Variants in MACROD1 observed in about 807,000 individuals in gnomAD.
MACROD1 encodes the protein mono-ADP ribosylhydrolase 1, also known as ADP-ribose glycohydrolase MACROD1.
Under a neutral mutation model 41.4 loss-of-function variants are expected in MACROD1, and 31 were observed. That is an observed-to-expected ratio of 0.75 (90% CI 0.56 to 1.01). The LOEUF (loss-of-function observed/expected upper bound fraction) is 1.01. Ranked by LOEUF, MACROD1 falls within the 50% of genes least tolerant of loss-of-function variation. The pLI is 0.00. For synonymous variants in MACROD1, 252 were observed against 203.4 expected (o/e 1.24, Z -2.03); for missense variants, 473 against 460.0 (o/e 1.03, Z -0.26).
At chr11:64,032,394 CGAT>C (rs1555010511) in intron 3 of MACROD1, among the ~76,000 whole-genome samples, 1 of 152,128 alleles carries the variant, frequency 6.6e-6, no homozygotes, top group Non-Finnish European at 1.5e-5. Flanking sequence ...TGCCCAGGGC[CGAT>C]GGCTGGTGAG....
intron 4 of MACROD1, among the ~76,000 whole-genome samples, chr11:64,012,492 T>TG (rs1565194257): frequency 6.6e-6 from 1 of 151,668 alleles, no homozygotes; most frequent in Non-Finnish European, 1.5e-5. Flanking sequence ...CCCCTGCCTA[T>TG]GGGGTTCAAG....
chr11:64,018,684 C>T (rs1451479378), intron 3 of MACROD1, among the ~76,000 whole-genome samples: 1 of 152,182 alleles, frequency 6.6e-6, no homozygotes, highest in African/African-American at 2.4e-5. Flanking sequence ...CTCTACTGCA[C>T]CACCCCCCTC....
chr11:64,160,426 G>A (rs1945736410), intron 1 of MACROD1, among the ~76,000 whole-genome samples: 1 of 152,146 alleles, frequency 6.6e-6, no homozygotes, highest in African/African-American at 2.4e-5. Context: ...CTTTGAGAGA[G>A]GATCCTCTCA....
chr11:64,149,066 A>C (rs1460136254), intron 3 of MACROD1: 10 of 976,808 alleles, frequency 1.0e-5, no homozygotes, highest in Non-Finnish European at 1.1e-5. Context: ...AGAACACACC[A>C]AGAGGTGTAT....
chr11:64,082,937 T>G lies in MACROD1; in HGVS notation c.518-67656A>C, dbSNP rs1193152468. The G allele has an allele frequency of 1.3e-5, 2 of 152,562 alleles. No individual in the cohort carries two copies. Among genetic ancestry groups the G allele is most frequent in the Non-Finnish European group, 2.9e-5 (2 of 68,250 alleles). 9.5% of individuals were successfully genotyped at this position (152,562 alleles called of 1,614,324 possible). ...TCCCTGCCCTGACCTCTCTCTGCCT[T>G]CCTTCCTCGTCACAGCAGCTGCCGT... On this transcript the variant is annotated intron_variant, in intron 3 of 10. Transcript: ENST00000255681. This position sits in a 1 kb window ranked among gnomAD's most constrained non-coding sequence, Gnocchi z 4.5.
rs538602895 is a variant in MACROD1, at chr11:64,061,278, G to T, written c.518-45997C>A. ...GTAATTGCTGGCTGTCAGGGCAGATGGATGCTCCGCGCGCCGACTTTGCAG... is the reference window on the plus strand; with the variant it reads ...GTAATTGCTGGCTGTCAGGGCAGATTGATGCTCCGCGCGCCGACTTTGCAG... On this transcript the variant is annotated intron_variant, in intron 3 of 10. Transcript: ENST00000255681. Among the ~76,000 whole-genome samples, 9 of 152,334 alleles carry T rather than the reference G, an allele frequency of 5.9e-5. No homozygotes were observed. In the East Asian group the frequency reaches 1.7e-3, roughly 29 times the overall value.
intron 3 of MACROD1, among the ~76,000 whole-genome samples, chr11:64,133,522 C>CTAAA (rs947347131): frequency 1.3e-5 from 2 of 152,154 alleles, no homozygotes; most frequent in African/African-American, 4.8e-5. Flanking sequence ...TGATCTCCTC[C>CTAAA]TAAAAGGCAG....
chr11:64,008,660 C>T (rs1185598113), intron 4 of MACROD1, among the ~76,000 whole-genome samples: 1 of 152,188 alleles, frequency 6.6e-6, no homozygotes, highest in African/African-American at 2.4e-5. Context: ...GAGACACACA[C>T]ACGGGCTTGC....
In MACROD1 at chr11:64,120,121, C is replaced by G. The variant is rs571273075; in HGVS notation, c.517+31118G>C. ...GCGGGGCAGGGGTTACGTTAAAAGGCCCGACCGCCACCTTCAGTGAGGAGA... is the reference window on the plus strand; with the variant it reads ...GCGGGGCAGGGGTTACGTTAAAAGGGCCGACCGCCACCTTCAGTGAGGAGA... On this transcript the variant is annotated intron_variant, in intron 3 of 10. Coordinates refer to ENST00000255681, the MANE Select transcript of MACROD1 (RefSeq NM_014067.4). This position sits in a 1 kb window ranked among gnomAD's most constrained non-coding sequence, Gnocchi z 4.5. 1.3e-5 allele frequency among the ~76,000 whole-genome samples: 2 copies of G among 152,250 alleles called. No individual in the cohort carries two copies. Among genetic ancestry groups the G allele is most frequent in the African/African-American group, 2.4e-5 (1 of 41,548 alleles).
chr11:64,049,000 A>ACTGGGGTGCCGGCTGCCTCCTGCC (rs61691615), intron 3 of MACROD1, among the ~76,000 whole-genome samples: 20,909 of 151,900 alleles, frequency 0.14, 2,347 homozygotes, highest in East Asian at 0.42. Flanking sequence ...AGAGAGACAG[A>ACTGGGGTGCCGGCTGCCTCCTGCC]CTGGGGTGCC....
At chr11:64,026,971 T>C (rs1184271464) in intron 3 of MACROD1, among the ~76,000 whole-genome samples, 1 of 152,222 alleles carries the variant, frequency 6.6e-6, no homozygotes, top group East Asian at 1.9e-4. Context: ...CCTGTGCCCA[T>C]AATGACCTCA....
chr11:64,156,990 C>CA (rs1945678084), intron 1 of MACROD1, among the ~76,000 whole-genome samples: 1 of 152,230 alleles, frequency 6.6e-6, no homozygotes, highest in Non-Finnish European at 1.5e-5. Flanking sequence ...ATCTCACCTC[C>CA]ATGTCCTCTT....
At chr11:63,999,293 G>A (rs1157301217) in intron 8 of MACROD1, 38 bp downstream of exon 8, 5 of 1,543,876 alleles carry the variant, frequency 3.2e-6, no homozygotes, top group Middle Eastern at 2.2e-4. Context: ...ACTCTGGCCG[G>A]GATGCGGACC....
chr11:64,001,451 T>C, intron 4 of MACROD1: 1 of 702,418 alleles, frequency 1.4e-6, no homozygotes, highest in South Asian at 1.5e-5. Context: ...TTCCCCATTT[T>C]ACAGATGGAC....
intron 3 of MACROD1, among the ~76,000 whole-genome samples, chr11:64,140,325 C>T (rs753495775): frequency 1.1e-4 from 17 of 152,226 alleles, no homozygotes; most frequent in Non-Finnish European, 2.2e-4. Flanking sequence ...GAGTGAGGGG[C>T]CCAGGCTGCC....
intron 1 of MACROD1, among the ~76,000 whole-genome samples, chr11:64,165,100 G>C (rs1002328075): frequency 2.0e-5 from 3 of 152,232 alleles, no homozygotes; most frequent in African/African-American, 7.2e-5. Context: ...AAGGGCGCCA[G>C]ACCACGTGCC....
intron 3 of MACROD1, among the ~76,000 whole-genome samples, chr11:64,129,850 C>T (rs1040271947): frequency 5.9e-5 from 9 of 152,100 alleles, no homozygotes; most frequent in African/African-American, 2.2e-4. Flanking sequence ...AGGTTTGGGC[C>T]GCACAGGAGG....
At chr11:64,031,261 C>T (rs1565201095) in intron 3 of MACROD1, among the ~76,000 whole-genome samples, 1 of 152,210 alleles carries the variant, frequency 6.6e-6, no homozygotes, top group East Asian at 1.9e-4. Context: ...CTTGGGGCAC[C>T]CTCTCTGGGA....
At chr11:64,107,647 T>C (rs1944787127) in intron 3 of MACROD1, among the ~76,000 whole-genome samples, 3 of 152,342 alleles carry the variant, frequency 2.0e-5, no homozygotes, top group East Asian at 1.9e-4. Context: ...CCAGCCCCCA[T>C]GCATCACAAG....
Sources: gnomAD v4.1 joint callset for allele counts (sites outside exome capture counted in the v4.1 genomes callset) on GRCh38, gnomAD v4.1.1 for gene constraint, Gnocchi (gnomAD v3.1) non-coding constraint, MANE v1.5 for transcripts, NCBI Gene and HGNC (gene_info 2026-07-23, HGNC 2026-07-21) for gene names.